The following ERI1 variants were observed in gnomAD, a reference collection of about 807,000 sequenced individuals.
ERI1 encodes exoribonuclease 1, also known as 3'-5' exoribonuclease 1.
In ERI1, 39 loss-of-function variants were observed where a neutral mutation model predicts 39.7. The observed-to-expected ratio is 0.98, with a 90% CI of 0.76 to 1.28. The LOEUF is 1.28. Among genes scored for constraint, ERI1 ranks in the 50% most tolerant of loss-of-function variants. The pLI is 0.00. For missense variants in ERI1, 581 were observed against 416.9 expected (o/e 1.39, Z -3.43); for synonymous variants, 204 against 149.6 (o/e 1.36, Z -2.65).
At chr8:9,025,211 G>A (rs1023995292) in intron 6 of ERI1, among the ~76,000 whole-genome samples, 4 of 152,184 alleles carry the variant, frequency 2.6e-5, no homozygotes, top group Non-Finnish European at 5.9e-5. Context: ...ATCTCCTACA[G>A]TTTTTCCATG....
Position 9,025,398 on chromosome 8 carries a change from T to C in ERI1, c.808-4394T>C, listed in dbSNP as rs142091768. Among the ~76,000 whole-genome samples, 327 of 152,384 alleles carry C rather than the reference T, an allele frequency of 2.1e-3. 1 individual carries two copies. Among genetic ancestry groups the C allele is most frequent in the African/African-American group, 7.3e-3 (304 of 41,602 alleles). ...GTCAAACATTTTCTCCAGCTTCTTA[T>C]AGGGACTTGTTCAGCTGATTCATGT... On this transcript the variant is annotated intron_variant, in intron 6 of 6. Coordinates refer to ENST00000250263, the MANE Select transcript of ERI1 (RefSeq NM_153332.4).
intron 3 of ERI1, among the ~76,000 whole-genome samples, chr8:9,070,248 C>A (rs1007094391): frequency 2.2e-4 from 33 of 149,370 alleles, no homozygotes; most frequent in Non-Finnish European, 3.4e-4. Flanking sequence ...AAAAAAAAAA[C>A]AAAACACCAA....
intron 3 of ERI1, among the ~76,000 whole-genome samples, chr8:9,065,364 C>T (rs527984123): frequency 2.6e-5 from 4 of 152,264 alleles, no homozygotes; most frequent in African/African-American, 9.6e-5. Flanking sequence ...GCAGAGGATG[C>T]TCAGTAGGCT....
chr8:9,007,667 A>T (rs548467187), intron 1 of ERI1, among the ~76,000 whole-genome samples: 2 of 152,176 alleles, frequency 1.3e-5, no homozygotes, highest in Non-Finnish European at 2.9e-5. Context: ...TATTTCTAGT[A>T]AATAGTCAGC....
chr8:9,035,993 C>T (rs772940420), downstream of ERI1, among the ~76,000 whole-genome samples: 4 of 152,128 alleles, frequency 2.6e-5, no homozygotes, highest in African/African-American at 7.2e-5. Flanking sequence ...GGTGGAAATA[C>T]CAAGAGAACT....
At chr8:9,084,676 A>T (rs935141823) in intron 3 of ERI1, among the ~76,000 whole-genome samples, 23 of 152,298 alleles carry the variant, frequency 1.5e-4, no homozygotes, top group African/African-American at 5.1e-4. Context: ...TGCTCCTGGA[A>T]GATGACCCAG....
intron 3 of ERI1, among the ~76,000 whole-genome samples, chr8:9,056,361 C>A (rs965021152): frequency 1.1e-4 from 16 of 152,308 alleles, no homozygotes; most frequent in African/African-American, 3.8e-4. Flanking sequence ...TATACAGCAT[C>A]ATATTAGGAC....
Position 9,004,053 on chromosome 8 carries a change from T to G in ERI1, c.108+882T>G, listed in dbSNP as rs1435906747. The stretch of plus-strand genomic sequence containing the variant: ...CCCTTGGTAATTGCATCTCACACAG[T>G]TTTTTCCCTTTTGTTCCCAGTGCCC... On this transcript the variant is annotated intron_variant, in intron 1 of 6. Transcript: ENST00000250263. 3 of 1,287,886 alleles carry G rather than the reference T, an allele frequency of 2.3e-6. No homozygotes were observed. In the East Asian group the frequency reaches 1.7e-4, roughly 72 times the overall value. 79.8% of individuals were successfully genotyped at this position (1,287,886 alleles called of 1,614,324 possible).
Position 9,031,585 on chromosome 8 carries a change from T to C in ERI1, c.*1551T>C, listed in dbSNP as rs1402924447. ...CTGTAAAGTATTACTGAATACTGAA[T>C]AGCTGAAACTGCAATTGGAAAATCT... On this transcript the variant is annotated 3_prime_UTR_variant, in exon 7 of 7. Transcript: ENST00000250263. 6.6e-6 allele frequency: 1 copy of C among 152,226 alleles called. No individual in the cohort carries two copies. The highest frequency in any genetic ancestry group is 2.4e-5 in the African/African-American group (1 of 41,466). The allele number at this position is 152,226 out of a possible 1,614,324, so 9.4% of individuals were successfully genotyped here.
At chr8:9,026,644 T>G (rs1232719667) in intron 6 of ERI1, among the ~76,000 whole-genome samples, 1 of 152,200 alleles carries the variant, frequency 6.6e-6, no homozygotes, top group Non-Finnish European at 1.5e-5. Flanking sequence ...ATATCTGAAA[T>G]GCTCCAAAAA....
chr8:9,083,867 C>T (rs1225357126), intron 3 of ERI1, among the ~76,000 whole-genome samples: 2 of 151,940 alleles, frequency 1.3e-5, no homozygotes, highest in Admixed American at 6.6e-5. Flanking sequence ...GATCTTGGCT[C>T]ACTGCAAACT....
chr8:9,065,314 T>C (rs548392720), intron 3 of ERI1, among the ~76,000 whole-genome samples: 1 of 152,152 alleles, frequency 6.6e-6, no homozygotes, highest in East Asian at 1.9e-4. Context: ...TTTGAGGTGA[T>C]GATGAACTTG....
chr8:9,080,498 G>C (rs1799336374), intron 3 of ERI1, among the ~76,000 whole-genome samples: 1 of 152,218 alleles, frequency 6.6e-6, no homozygotes, highest in South Asian at 2.1e-4. Flanking sequence ...GAGGAGATGA[G>C]GCAGAGAGGC....
At chr8:9,063,586 G>T (rs1798774674) in intron 3 of ERI1, among the ~76,000 whole-genome samples, 1 of 152,072 alleles carries the variant, frequency 6.6e-6, no homozygotes, top group Non-Finnish European at 1.5e-5. Context: ...GATGCTTGGG[G>T]TTGGGACTGA....
intron 3 of ERI1, among the ~76,000 whole-genome samples, chr8:9,067,257 A>C (rs1215351427): frequency 6.6e-6 from 1 of 152,134 alleles, no homozygotes; most frequent in Non-Finnish European, 1.5e-5. Flanking sequence ...TTCCTGTATC[A>C]GCCTGAAATC....
chr8:9,057,992 T>C (rs1412082272), intron 3 of ERI1, among the ~76,000 whole-genome samples: 1 of 152,122 alleles, frequency 6.6e-6, no homozygotes, highest in Non-Finnish European at 1.5e-5. Context: ...TGGGGGCCGT[T>C]GCAAGCATTT....
At chr8:9,074,047 A>G (rs1033786112) in intron 3 of ERI1, among the ~76,000 whole-genome samples, 7 of 152,210 alleles carry the variant, frequency 4.6e-5, no homozygotes, top group South Asian at 4.1e-4. Context: ...TGGCCTCCCA[A>G]AATGCTGGGA....
intron 5 of ERI1, among the ~76,000 whole-genome samples, chr8:9,018,998 T>C (rs767421407): frequency 1.3e-5 from 2 of 152,238 alleles, no homozygotes; most frequent in Non-Finnish European, 2.9e-5. Flanking sequence ...TTCTGATATA[T>C]AATCTTTGTG....
chr8:9,030,273 T>G lies in ERI1; in HGVS notation c.*239T>G. On this transcript the variant is annotated 3_prime_UTR_variant, in exon 7 of 7. Transcript: ENST00000250263. ...TCGTTACATAGTAACAGTTCCTGCT[T>G]ACAACTGAATTTTATAATTTAAGGT... 2.0e-6 allele frequency: 1 copy of G among 503,166 alleles called. No individual in the cohort carries two copies. Among genetic ancestry groups the G allele is most frequent in the East Asian group, 3.2e-5 (1 of 31,450 alleles). 31.2% of individuals were successfully genotyped at this position (503,166 alleles called of 1,614,324 possible).
Sources: gnomAD v4.1 joint callset for allele counts (sites outside exome capture counted in the v4.1 genomes callset) on GRCh38, gnomAD v4.1.1 for gene constraint, MANE v1.5 for transcripts, NCBI Gene and HGNC (gene_info 2026-07-23, HGNC 2026-07-21) for gene names.